Variants in XPNPEP3 observed in about 807,000 individuals in gnomAD.
XPNPEP3 encodes xaa-Pro aminopeptidase 3.
A neutral mutation model predicts 60.0 loss-of-function variants in XPNPEP3; 41 were observed. That is an observed-to-expected ratio of 0.68 (90% CI 0.53 to 0.89). XPNPEP3 has a LOEUF of 0.89. Ranked by LOEUF, XPNPEP3 falls within the 40% of genes least tolerant of loss-of-function variation. The probability of loss-of-function intolerance (pLI) is 0.00; values close to 1 mark genes in which losing one functional copy is unlikely to be tolerated. For synonymous variants in XPNPEP3, 212 were observed against 223.2 expected (o/e 0.95, Z 0.45); for missense variants, 598 against 638.9 (o/e 0.94, Z 0.69).
intron 4 of XPNPEP3, among the ~76,000 whole-genome samples, chr22:40,893,071 ATAT>A (rs1465308126): frequency 6.1e-5 from 9 of 147,956 alleles, no homozygotes; most frequent in Non-Finnish European, 1.0e-4. Flanking sequence ...TAAATTTGAA[ATAT>A]TATTTATATT....
chr22:40,907,690 G>A (rs2058161775), intron 5 of XPNPEP3, 41 bp downstream of exon 5: 2 of 1,586,494 alleles, frequency 1.3e-6, no homozygotes, highest in East Asian at 2.2e-5. Context: ...TGTTGGAGGT[G>A]AATATAATAA....
chr22:40,911,687 G>A (rs1451707908), intron 6 of XPNPEP3, among the ~76,000 whole-genome samples: 1 of 151,976 alleles, frequency 6.6e-6, no homozygotes, highest in Non-Finnish European at 1.5e-5. Context: ...GGGATTACAG[G>A]CGCCCACCAT....
At position 40,922,459 on chromosome 22, in the gene XPNPEP3, G is replaced by A. The variant is rs1488103762; in HGVS notation, c.1182G>A (p.Gln394=). ...IYSMMLTLIG[Q]KLKDLGIMKN... ...GCATGATGCTGACCCTGATAGGACA[G>A]AAGCTTAAAGACTTGGGGATCATGA... Residue 394 remains glutamine (Q), a synonymous_variant, in exon 8 of 10, where the codon CAG becomes CAA. Coordinates refer to ENST00000357137, the MANE Select transcript of XPNPEP3 (RefSeq NM_022098.4). 1 of 1,614,054 alleles carries A rather than the reference G, an allele frequency of 6.2e-7. No individual in the cohort carries two copies. Among genetic ancestry groups the A allele is most frequent in the Admixed American group, 1.7e-5 (1 of 60,002 alleles).
intron 1 of XPNPEP3, 106 bp downstream of exon 1, chr22:40,857,351 C>A: frequency 8.1e-7 from 1 of 1,241,906 alleles, no homozygotes; most frequent in Non-Finnish European, 1.2e-6. Context: ...GTGGGGCCTC[C>A]GCTCCCCAAC....
At chr22:40,921,801 T>A (rs188874693) in intron 7 of XPNPEP3, among the ~76,000 whole-genome samples, 1 of 152,288 alleles carries the variant, frequency 6.6e-6, no homozygotes, top group Non-Finnish European at 1.5e-5. Flanking sequence ...ATCAACAGTA[T>A]GTGAGAATAC....
At chr22:40,905,885 C>T (rs575544405) in intron 4 of XPNPEP3, among the ~76,000 whole-genome samples, 11 of 152,174 alleles carry the variant, frequency 7.2e-5, no homozygotes, top group Non-Finnish European at 1.3e-4. Flanking sequence ...CTCTGCCTCC[C>T]AGTTCACGTG....
At chr22:40,875,844 C>T (rs1049438194) in intron 2 of XPNPEP3, among the ~76,000 whole-genome samples, 7 of 146,732 alleles carry the variant, frequency 4.8e-5, no homozygotes, top group African/African-American at 1.8e-4. Flanking sequence ...CAAACTCCAC[C>T]TCTACTAAAA....
intron 1 of XPNPEP3, among the ~76,000 whole-genome samples, chr22:40,863,836 A>G (rs1156962188): frequency 1.3e-5 from 2 of 152,226 alleles, no homozygotes; most frequent in African/African-American, 4.8e-5. Flanking sequence ...ATAGCTTGTT[A>G]GTGAAAAATC....
intron 4 of XPNPEP3, among the ~76,000 whole-genome samples, chr22:40,892,868 A>G (rs138692703): frequency 2.7e-4 from 41 of 151,938 alleles, no homozygotes; most frequent in African/African-American, 9.9e-4. Flanking sequence ...AAGTGTCCCA[A>G]TTTTCTCTCC....
chr22:40,894,281 C>T (rs2146260058), intron 4 of XPNPEP3, among the ~76,000 whole-genome samples: 1 of 152,254 alleles, frequency 6.6e-6, no homozygotes, highest in African/African-American at 2.4e-5. Context: ...TTGCTTTAAG[C>T]ATCTCTTGAG....
chr22:40,873,498 A>G (rs933074106), intron 2 of XPNPEP3, among the ~76,000 whole-genome samples: 1 of 151,958 alleles, frequency 6.6e-6, no homozygotes, highest in African/African-American at 2.4e-5. Flanking sequence ...TGCTTTCACC[A>G]TTTACCGTTT....
At position 40,860,987 on chromosome 22, in the gene XPNPEP3, T is replaced by A; in HGVS notation, c.64+3742T>A. On this transcript the variant is annotated intron_variant, in intron 1 of 9. Coordinates refer to ENST00000357137, the MANE Select transcript of XPNPEP3 (RefSeq NM_022098.4). ...TGTTGAAAAGCTCTTAGTATAGTAT[T>A]AAGTGTTATCTACAAAATTTGTGAT... 4.4e-6 allele frequency: 6 copies of A among 1,353,014 alleles called. No individual in the cohort carries two copies. The South Asian group carries it at 5.7e-5, about 13-fold the overall frequency. The allele number at this position is 1,353,014 out of a possible 1,614,324, so 83.8% of individuals were successfully genotyped here. A position where few individuals can be genotyped will look rare whatever the true frequency, so the allele number is the denominator to read the frequency against.
intron 1 of XPNPEP3, chr22:40,862,327 GT>G (rs2057955264): frequency 9.7e-7 from 1 of 1,033,838 alleles, no homozygotes; most frequent in African/African-American, 1.7e-5. Context: ...GCTTCAGGCA[GT>G]GCCTCATAAG....
intron 1 of XPNPEP3, chr22:40,861,239 G>A: frequency 6.2e-7 from 1 of 1,614,178 alleles, no homozygotes; most frequent in Non-Finnish European, 8.5e-7. Context: ...GTTTGGAGCT[G>A]TGAGAATTTG....
intron 9 of XPNPEP3, among the ~76,000 whole-genome samples, chr22:40,924,928 T>C (rs576048132): frequency 7.2e-5 from 11 of 152,332 alleles, no homozygotes; most frequent in African/African-American, 2.6e-4. Context: ...GTATTCTTAT[T>C]TAATATCACA....
At position 40,928,807 on chromosome 22, in the gene XPNPEP3, G is replaced by C. The variant is rs376646029; in HGVS notation, c.*2372G>C. ...GCTGGAAGTTTGCCTATCTTATCAG[G>C]GAAACCCAGGGTACAGAGTGAAAAG... On this transcript the variant is annotated 3_prime_UTR_variant, in exon 10 of 10. Coordinates refer to ENST00000357137, the MANE Select transcript of XPNPEP3 (RefSeq NM_022098.4). The C allele has an allele frequency of 3.9e-5, 6 of 152,166 alleles. No homozygotes were observed. The East Asian group carries it at 1.2e-3, about 29-fold the overall frequency. The allele number at this position is 152,166 out of a possible 1,614,324, so 9.4% of individuals were successfully genotyped here. A position where few individuals can be genotyped will look rare whatever the true frequency, so the allele number is the denominator to read the frequency against.
At chr22:40,878,594 T>TC (rs2058036162) in intron 2 of XPNPEP3, among the ~76,000 whole-genome samples, 1 of 151,710 alleles carries the variant, frequency 6.6e-6, no homozygotes, top group South Asian at 2.1e-4. Flanking sequence ...TTTCTTTCTT[T>TC]TTTTTTTTTT....
intron 1 of XPNPEP3, 102 bp downstream of exon 1, chr22:40,857,347 C>A: frequency 7.9e-7 from 1 of 1,270,552 alleles, no homozygotes; most frequent in Non-Finnish European, 1.1e-6. Context: ...CCTGGTGGGG[C>A]CTCCGCTCCC....
At chr22:40,878,392 G>A (rs2058035433) in intron 2 of XPNPEP3, among the ~76,000 whole-genome samples, 1 of 151,980 alleles carries the variant, frequency 6.6e-6, no homozygotes, top group African/African-American at 2.4e-5. Flanking sequence ...AGCAAACATA[G>A]GAATACTTTG....
Sources: gnomAD v4.1 joint callset for allele counts (sites outside exome capture counted in the v4.1 genomes callset) on GRCh38, gnomAD v4.1.1 for gene constraint, MANE v1.5 for transcripts, NCBI Gene and HGNC (gene_info 2026-07-23, HGNC 2026-07-21) for gene names.